Variants in ITGA11 observed in about 807,000 individuals in gnomAD.
ITGA11 encodes integrin subunit alpha 11.
ITGA11 carries 97 observed loss-of-function variants against 141.9 expected under a neutral mutation model. That is an observed-to-expected ratio of 0.68 (90% CI 0.58 to 0.81). ITGA11 has a LOEUF of 0.81. Among genes scored for constraint, ITGA11 ranks in the 30% least tolerant of loss-of-function variants. The pLI is 0.00. For missense variants in ITGA11, 1,387 were observed against 1,559.2 expected (o/e 0.89, Z 1.86); for synonymous variants, 658 against 624.6 (o/e 1.05, Z -0.80).
intron 4 of ITGA11, among the ~76,000 whole-genome samples, chr15:68,362,531 AGATG>A (rs767720741): frequency 6.6e-6 from 1 of 152,328 alleles, no homozygotes; most frequent in African/African-American, 2.4e-5. Flanking sequence ...AAGAATGGAT[AGATG>A]GATGGATGGA....
At chr15:68,424,555 C>A (rs1168174745) in intron 1 of ITGA11, among the ~76,000 whole-genome samples, 1 of 152,162 alleles carries the variant, frequency 6.6e-6, no homozygotes, top group Non-Finnish European at 1.5e-5. Flanking sequence ...TCTACATCAT[C>A]ATTCTCACCC....
At chr15:68,354,138 C>T (rs888617765) in intron 7 of ITGA11, among the ~76,000 whole-genome samples, 2 of 152,118 alleles carry the variant, frequency 1.3e-5, no homozygotes, top group African/African-American at 4.8e-5. Flanking sequence ...CCATTCTCCC[C>T]ATAGCTTTCA....
intron 9 of ITGA11, among the ~76,000 whole-genome samples, chr15:68,349,967 C>T (rs936285143): frequency 6.6e-6 from 1 of 152,090 alleles, no homozygotes; most frequent in African/African-American, 2.4e-5. Context: ...CTAAGCCTGC[C>T]ACACCCACTG....
At chr15:68,355,360 G>A (rs1358020449) in intron 7 of ITGA11, among the ~76,000 whole-genome samples, 1 of 152,178 alleles carries the variant, frequency 6.6e-6, no homozygotes, top group African/African-American at 2.4e-5. Context: ...GTTGAGCAAT[G>A]ACTTAATTAT....
intron 4 of ITGA11, among the ~76,000 whole-genome samples, chr15:68,362,932 GGATGAATGGAT>G (rs1299502250): frequency 1.7e-4 from 2 of 11,674 alleles, no homozygotes; most frequent in Non-Finnish European, 4.7e-4. Flanking sequence ...GATGGATGAT[GGATGAATGGAT>G]GATGGATGAA....
chr15:68,411,644 G>A (rs930351441), intron 1 of ITGA11, among the ~76,000 whole-genome samples: 1 of 152,180 alleles, frequency 6.6e-6, no homozygotes, highest in African/African-American at 2.4e-5. Context: ...AAAACAAGTG[G>A]TCCTGCTCCA....
intron 26 of ITGA11, among the ~76,000 whole-genome samples, chr15:68,310,180 TAG>T (rs1893333422): frequency 6.6e-6 from 1 of 152,216 alleles, no homozygotes; most frequent in Non-Finnish European, 1.5e-5. Flanking sequence ...AGGTCTTAGT[TAG>T]AGTAATACCT....
At position 68,324,716 on chromosome 15, in the gene ITGA11, G is replaced by C. The variant is rs1357699493; in HGVS notation, c.2322+415C>G. Among the ~76,000 whole-genome samples the C allele has an allele frequency of 6.6e-6, 1 of 152,080 alleles. No homozygotes were observed. Among genetic ancestry groups the C allele is most frequent in the Non-Finnish European group, 1.5e-5 (1 of 68,026 alleles). ...CAATACTTAGGAGCTCTGTGAATCA[G>C]TTAGTCACCTAACAAGCAGAACCCC... On this transcript the variant is annotated intron_variant, in intron 18 of 29. Coordinates refer to ENST00000315757, the MANE Select transcript of ITGA11 (RefSeq NM_001004439.2). The surrounding 1 kb of genome is among the most constrained non-coding windows in gnomAD (Gnocchi z 6.3).
intron 24 of ITGA11, among the ~76,000 whole-genome samples, chr15:68,311,786 A>G (rs1358435499): frequency 6.6e-6 from 1 of 152,224 alleles, no homozygotes; most frequent in Non-Finnish European, 1.5e-5. Context: ...TCATTAATTA[A>G]CAATTAATTT....
chr15:68,377,848 C>T (rs931538837), intron 2 of ITGA11, among the ~76,000 whole-genome samples: 4 of 152,206 alleles, frequency 2.6e-5, no homozygotes, highest in Admixed American at 6.5e-5. Context: ...GTGCCCCTTC[C>T]TATGGGGTGA....
At chr15:68,343,670 C>T (rs1306062020) in intron 10 of ITGA11, among the ~76,000 whole-genome samples, 1 of 152,144 alleles carries the variant, frequency 6.6e-6, no homozygotes, top group African/African-American at 2.4e-5. Context: ...GGCTGTCCTC[C>T]CCCGCCAAAC....
In ITGA11 at chr15:68,307,187, C is replaced by G. The variant is rs1595848831; in HGVS notation, c.3381+161G>C. ...CTGAGGCTTTGTCTTGCTTTTTTCC[C>G]TCTTTTCAGCGGCTGCCCTAACAGC... On this transcript the variant is annotated intron_variant, in intron 28 of 29. Coordinates refer to ENST00000315757, the MANE Select transcript of ITGA11 (RefSeq NM_001004439.2). The surrounding 1 kb of genome is among the most constrained non-coding windows in gnomAD (Gnocchi z 6.1). 6.6e-6 allele frequency among the ~76,000 whole-genome samples: 1 copy of G among 152,356 alleles called. No individual in the cohort carries two copies. Among genetic ancestry groups the G allele is most frequent in the South Asian group, 2.1e-4 (1 of 4,832 alleles).
Position 68,304,623 on chromosome 15 carries a change from G to A in ITGA11, c.3382-738C>T, listed in dbSNP as rs536987495. On this transcript the variant is annotated intron_variant, in intron 28 of 29. Coordinates refer to ENST00000315757, the MANE Select transcript of ITGA11 (RefSeq NM_001004439.2). The surrounding 1 kb of genome is among the most constrained non-coding windows in gnomAD (Gnocchi z 6.1). ...TTTCTGTCGTCCGCCTGGATTCTCCGCTGAATTCCAGGCTCACACCGACTG... is the reference window on the plus strand; with the variant it reads ...TTTCTGTCGTCCGCCTGGATTCTCCACTGAATTCCAGGCTCACACCGACTG... Among the ~76,000 whole-genome samples, 3 of 152,262 alleles carry A rather than the reference G, an allele frequency of 2.0e-5. No individual in the cohort carries two copies. The highest frequency in any genetic ancestry group is 7.2e-5 in the African/African-American group (3 of 41,544).
rs751143077 is a variant in ITGA11 at position 68,331,958 on chromosome 15, G to A, written c.1671C>T (p.Tyr557=). ...ASVRDLNQDS[Y]NDVVVGAPLE... The stretch of plus-strand genomic sequence containing the variant: ...GGGGGGCTCCCACCACCACGTCATT[G>A]TAGGAATCCTGGTTGAGGTCTCGAA... The change falls in exon 14 of 30, where the codon TAC becomes TAT. Residue 557 remains tyrosine (Y), a synonymous_variant. Transcript: ENST00000315757. 9.9e-6 allele frequency: 16 copies of A among 1,613,298 alleles called. No homozygotes were observed. The highest frequency in any genetic ancestry group is 1.7e-5 in the Admixed American group (1 of 59,902).
chr15:68,354,820 C>T (rs537544072), intron 7 of ITGA11, among the ~76,000 whole-genome samples: 144 of 152,258 alleles, frequency 9.5e-4, no homozygotes, highest in Non-Finnish European at 1.6e-3. Flanking sequence ...TCTTTATAAG[C>T]CCTCATGTTC....
At chr15:68,342,897 C>T (rs1171473949) in intron 10 of ITGA11, among the ~76,000 whole-genome samples, 1 of 151,950 alleles carries the variant, frequency 6.6e-6, no homozygotes, top group Non-Finnish European at 1.5e-5. Flanking sequence ...GTGGAGGATC[C>T]CTGGCGTGGT....
At chr15:68,404,731 G>T (rs373341194) in intron 1 of ITGA11, among the ~76,000 whole-genome samples, 1 of 152,244 alleles carries the variant, frequency 6.6e-6, no homozygotes, top group African/African-American at 2.4e-5. Context: ...GCATTTTCAG[G>T]ATACATCTGG....
rs976630848 is a variant in ITGA11, at chr15:68,297,707, A to G, written c.*5352T>C. 2.0e-5 allele frequency: 3 copies of G among 152,286 alleles called. No individual in the cohort carries two copies. The highest frequency in any genetic ancestry group is 3.9e-4 in the East Asian group (2 of 5,190). The allele number at this position is 152,286 out of a possible 1,614,324, so 9.4% of individuals were successfully genotyped here. ...CTAATCGTTTGCAAGTAACAATAATATGGCATTCTCATTTCCAGCCTTCAC... is the reference window on the plus strand; with the variant it reads ...CTAATCGTTTGCAAGTAACAATAATGTGGCATTCTCATTTCCAGCCTTCAC... On this transcript the variant is annotated 3_prime_UTR_variant, in exon 30 of 30. Transcript: ENST00000315757.
intron 9 of ITGA11, among the ~76,000 whole-genome samples, 192 bp from the exon 10 acceptor site, chr15:68,349,092 T>TGG (rs1208898978): frequency 3.9e-5 from 6 of 152,116 alleles, no homozygotes; most frequent in Admixed American, 3.3e-4. Context: ...CCCTGTGCAG[T>TGG]GGGGGGCACC....
Sources: allele counts gnomAD v4.1 joint callset (sites outside exome capture counted in the v4.1 genomes callset), GRCh38; gene constraint gnomAD v4.1.1; non-coding constraint Gnocchi (gnomAD v3.1); transcripts MANE v1.5; gene names NCBI Gene and HGNC (gene_info 2026-07-23, HGNC 2026-07-21).